Variants in OPCML observed in about 807,000 individuals in gnomAD.
OPCML encodes the protein opioid-binding protein/cell adhesion molecule.
OPCML carries 13 observed loss-of-function variants against 37.8 expected under a neutral mutation model. That is an observed-to-expected ratio of 0.34 (90% CI 0.22 to 0.55). The LOEUF (loss-of-function observed/expected upper bound fraction) is 0.55, where lower values mean the gene tolerates loss of function less well. Ranked by LOEUF, OPCML falls within the 20% of genes least tolerant of loss-of-function variation. OPCML has a pLI of 0.91. For synonymous variants in OPCML, 176 were observed against 168.8 expected, an observed-to-expected ratio of 1.04 and a Z score of -0.33; for missense variants, 341 against 435.6, an observed-to-expected ratio of 0.78 and a Z score of 1.93.
At chr11:133,302,447 A>C (rs903924086) in intron 1 of OPCML, 1 of 152,202 alleles carries the variant, frequency 6.6e-6, no homozygotes, top group African/African-American at 2.4e-5. Flanking sequence ...TCATTCCTTT[A>C]TAAATTACCC....
intron 2 of OPCML, among the ~76,000 whole-genome samples, chr11:132,857,902 A>T (rs1235899564): frequency 1.3e-5 from 2 of 152,120 alleles, no homozygotes; most frequent in African/African-American, 2.4e-5. Context: ...CCGAGACCAC[A>T]GAGTGTGAGA....
chr11:133,490,992 A>G (rs1237170836), intron 1 of OPCML, among the ~76,000 whole-genome samples: 1 of 152,230 alleles, frequency 6.6e-6, no homozygotes, highest in Admixed American at 6.5e-5. Flanking sequence ...GCTTGCTGCT[A>G]TATCCCCTGT....
chr11:132,467,971 A>G (rs899129941), intron 4 of OPCML, among the ~76,000 whole-genome samples: 3 of 152,172 alleles, frequency 2.0e-5, no homozygotes, highest in Non-Finnish European at 4.4e-5. Context: ...GGCTGTTGAC[A>G]TCCCTCTAGC....
At chr11:132,885,277 T>C (rs1204794818) in intron 2 of OPCML, among the ~76,000 whole-genome samples, 2 of 152,280 alleles carry the variant, frequency 1.3e-5, no homozygotes, top group South Asian at 4.1e-4. Flanking sequence ...CAAAACACAA[T>C]ATGGGTCCTT....
intron 2 of OPCML, among the ~76,000 whole-genome samples, chr11:132,660,260 G>A (rs143431655): frequency 1.1e-3 from 168 of 152,096 alleles, no homozygotes; most frequent in African/African-American, 3.8e-3. Flanking sequence ...ATAAGAAGAT[G>A]GAAATGAAAA....
chr11:132,559,035 A>T (rs2096404567), intron 3 of OPCML, among the ~76,000 whole-genome samples: 1 of 152,326 alleles, frequency 6.6e-6, no homozygotes, highest in South Asian at 2.1e-4. Context: ...GATCCATAGA[A>T]TGATGACTTC....
intron 1 of OPCML, among the ~76,000 whole-genome samples, chr11:133,347,114 C>T (rs946043525): frequency 5.3e-5 from 8 of 152,126 alleles, no homozygotes; most frequent in African/African-American, 9.7e-5. Flanking sequence ...TTGGTGGTGC[C>T]AAAGAATGTA....
intron 1 of OPCML, among the ~76,000 whole-genome samples, chr11:133,053,814 T>A: frequency 6.6e-6 from 1 of 152,156 alleles, no homozygotes; most frequent in East Asian, 1.9e-4. Flanking sequence ...GGCTTTGGGA[T>A]ACACACCTCT....
chr11:133,339,174 TA>T (rs879374833), intron 1 of OPCML, among the ~76,000 whole-genome samples: 1 of 152,386 alleles, frequency 6.6e-6, no homozygotes, highest in Admixed American at 6.5e-5. Flanking sequence ...AATATGATTT[TA>T]TTATTAATAA....
At chr11:132,795,634 A>G (rs1938261735) in intron 2 of OPCML, among the ~76,000 whole-genome samples, 2 of 152,232 alleles carry the variant, frequency 1.3e-5, no homozygotes, top group South Asian at 4.1e-4. Context: ...TGGAAATTCC[A>G]CATATTCCAT....
At chr11:133,242,643 T>A (rs145672253) in intron 1 of OPCML, among the ~76,000 whole-genome samples, 85 of 152,304 alleles carry the variant, frequency 5.6e-4, no homozygotes, top group African/African-American at 1.8e-3. Context: ...AATTGTGTAA[T>A]TACCTCTTTT....
chr11:133,445,913 G>T (rs188874216), intron 1 of OPCML, among the ~76,000 whole-genome samples: 132 of 152,082 alleles, frequency 8.7e-4, no homozygotes, highest in African/African-American at 3.0e-3. Context: ...AGGAAGGGGG[G>T]GCTGCCAAGA....
rs148634568 is a variant in OPCML, at chr11:133,383,020, T to G, written c.61+149244A>C. The stretch of plus-strand genomic sequence containing the variant: ...ACAACTCAGCCAAAAAGGAGCTACA[T>G]TTCCTCTCTTGGCCACCTTTTTTTC... On this transcript the variant is annotated intron_variant, in intron 1 of 7. Transcript: ENST00000524381. Among the ~76,000 whole-genome samples, 597 of 151,626 alleles carry G rather than the reference T, an allele frequency of 3.9e-3. 2 individuals are homozygous for G. The highest frequency in any genetic ancestry group is 3.8e-3 in the Non-Finnish European group (261 of 67,900).
At chr11:133,167,790 C>T (rs1475122408) in intron 1 of OPCML, among the ~76,000 whole-genome samples, 5 of 152,076 alleles carry the variant, frequency 3.3e-5, no homozygotes, top group African/African-American at 4.8e-5. Flanking sequence ...TTCTCCTCTC[C>T]GTGGATTTCT....
intron 1 of OPCML, among the ~76,000 whole-genome samples, chr11:133,259,853 C>A (rs546629960): frequency 2.0e-5 from 3 of 152,150 alleles, no homozygotes; most frequent in Non-Finnish European, 4.4e-5. Context: ...ATTTACTAAG[C>A]ACCTTCTATG....
chr11:133,359,766 C>T (rs1319528741), intron 1 of OPCML, among the ~76,000 whole-genome samples: 1 of 152,154 alleles, frequency 6.6e-6, no homozygotes, highest in African/African-American at 2.4e-5. Flanking sequence ...TGGAATGGAG[C>T]ATATTTAACT....
intron 2 of OPCML, among the ~76,000 whole-genome samples, chr11:132,919,857 TGAAA>T (rs1944732471): frequency 6.6e-6 from 1 of 152,166 alleles, no homozygotes; most frequent in Admixed American, 6.5e-5. Flanking sequence ...AGTGAGTGAA[TGAAA>T]GAATGGATAA....
rs1030413290 is a variant in OPCML, at chr11:133,048,380, T to C, written c.62-105370A>G. On this transcript the variant is annotated intron_variant, in intron 1 of 7. Coordinates refer to ENST00000524381, the MANE Select transcript of OPCML (RefSeq NM_001012393.5). ...AGTTCTGATTAACCACTGTGCTGCA[T>C]TGGCCATCACAAGGACTATTGACTG... 3.9e-5 allele frequency among the ~76,000 whole-genome samples: 6 copies of C among 152,020 alleles called. No homozygotes were observed. In the East Asian group the frequency reaches 5.9e-4, roughly 15 times the overall value.
chr11:133,167,861 T>G (rs1950233259), intron 1 of OPCML, among the ~76,000 whole-genome samples: 1 of 152,160 alleles, frequency 6.6e-6, no homozygotes, highest in African/African-American at 2.4e-5. Flanking sequence ...GAAACTTGCA[T>G]TTTCTTGATG....
Sources: gnomAD v4.1 joint callset for allele counts (sites outside exome capture counted in the v4.1 genomes callset) on GRCh38, gnomAD v4.1.1 for gene constraint, MANE v1.5 for transcripts, NCBI Gene and HGNC (gene_info 2026-07-23, HGNC 2026-07-21) for gene names.